The following RIMS1 variants were observed in gnomAD, a reference collection of about 807,000 sequenced individuals.
The protein encoded by RIMS1 is regulating synaptic membrane exocytosis protein 1.
Under a neutral mutation model 214.1 loss-of-function variants are expected in RIMS1, and 83 were observed. The observed-to-expected ratio is 0.39, with a 90% CI of 0.32 to 0.47. The LOEUF (loss-of-function observed/expected upper bound fraction) is 0.47, where lower values mean the gene tolerates loss of function less well. Ranked by LOEUF, RIMS1 falls within the 20% of genes least tolerant of loss-of-function variation. The pLI is 0.99. For synonymous variants in RIMS1, 793 were observed against 786.8 expected, an observed-to-expected ratio of 1.01 and a Z score of -0.13; for missense variants, 2,050 against 2,161.8, an observed-to-expected ratio of 0.95 and a Z score of 1.03.
chr6:72,235,391 C>G (rs556062424), intron 7 of RIMS1, among the ~76,000 whole-genome samples: 12 of 152,174 alleles, frequency 7.9e-5, no homozygotes, highest in African/African-American at 2.9e-4. Flanking sequence ...CTCTATTTTA[C>G]TTTGTACTAC....
chr6:72,069,514 AAT>A (rs1000778774), intron 2 of RIMS1, among the ~76,000 whole-genome samples: 5 of 152,220 alleles, frequency 3.3e-5, no homozygotes, highest in African/African-American at 1.2e-4. Context: ...GTAAATGAAA[AAT>A]ATATGTCTCA....
chr6:72,216,252 G>A (rs1311622527), intron 6 of RIMS1, among the ~76,000 whole-genome samples: 2 of 152,004 alleles, frequency 1.3e-5, no homozygotes, highest in Admixed American at 6.6e-5. Flanking sequence ...ATTATTCTGT[G>A]TCTCAGTGAG....
chr6:71,943,625 G>A (rs1328317166), intron 1 of RIMS1, among the ~76,000 whole-genome samples: 2 of 152,148 alleles, frequency 1.3e-5, no homozygotes, highest in Non-Finnish European at 2.9e-5. Context: ...TGTGAATGCA[G>A]CATAATGCAA....
intron 1 of RIMS1, among the ~76,000 whole-genome samples, chr6:71,956,884 T>A (rs1791464154): frequency 6.6e-6 from 1 of 152,092 alleles, no homozygotes; most frequent in South Asian, 2.1e-4. Flanking sequence ...AATGTGAAAA[T>A]TTCTGAGCCC....
At chr6:72,292,165 A>T (rs2093486792) in intron 26 of RIMS1, 119 bp downstream of exon 26, 1 of 677,346 alleles carries the variant, frequency 1.5e-6, no homozygotes, top group Non-Finnish European at 2.4e-6. Flanking sequence ...CATCCTAAAA[A>T]TTTGATTTTC....
chr6:72,277,739 AATC>A (rs1260579971), intron 23 of RIMS1, among the ~76,000 whole-genome samples: 1 of 152,172 alleles, frequency 6.6e-6, no homozygotes, highest in East Asian at 1.9e-4. Flanking sequence ...ACCCTTAAAA[AATC>A]ATCATTCCAA....
rs2153970204 is a variant in RIMS1, at chr6:72,182,439, G to T, written c.968G>T (p.Arg323Leu). ...GAAAGCCGAAGGCTTGAGAAAGGGC[G>T]ATCACAGGATTACCCAGACACGCCG... ...RRESRRLEKG[R>L]SQDYPDTPEK... The change falls in exon 6 of 34, where the codon CGA becomes CTA. Residue 323 changes from arginine to leucine, a missense_variant. This residue lies in a region of RIMS1 where 882 missense variants were observed against 828.9 expected (regional missense o/e 1.06). Coordinates refer to ENST00000521978, the MANE Select transcript of RIMS1 (RefSeq NM_014989.7). 3 of 1,613,878 alleles carry T rather than the reference G, an allele frequency of 1.9e-6. No individual in the cohort carries two copies. Among genetic ancestry groups the T allele is most frequent in the East Asian group, 2.2e-5 (1 of 44,868 alleles).
intron 28 of RIMS1, among the ~76,000 whole-genome samples, chr6:72,317,762 T>C (rs539339823): frequency 3.2e-4 from 48 of 152,200 alleles, no homozygotes; most frequent in South Asian, 1.2e-3. Context: ...ATGAAGCTTA[T>C]TATCTACACT....
At chr6:72,291,098 T>G (rs2093326002) in intron 25 of RIMS1, among the ~76,000 whole-genome samples, 1 of 152,210 alleles carries the variant, frequency 6.6e-6, no homozygotes, top group Non-Finnish European at 1.5e-5. Context: ...TTTGGCTGTG[T>G]TATGTCCTTT....
intron 26 of RIMS1, among the ~76,000 whole-genome samples, chr6:72,292,533 A>T (rs1022307002): frequency 1.3e-5 from 2 of 152,114 alleles, no homozygotes; most frequent in Non-Finnish European, 2.9e-5. Context: ...TGTCTTCAGC[A>T]GTTCATATTG....
intron 28 of RIMS1, among the ~76,000 whole-genome samples, chr6:72,314,122 G>A (rs992727848): frequency 1.3e-5 from 2 of 152,096 alleles, no homozygotes; most frequent in Admixed American, 1.3e-4. Context: ...CCCTAGTTAC[G>A]TTATGAGTTG....
chr6:71,946,420 G>C (rs1488965093), intron 1 of RIMS1, among the ~76,000 whole-genome samples: 1 of 152,232 alleles, frequency 6.6e-6, no homozygotes, highest in Non-Finnish European at 1.5e-5. Context: ...CATAGTGCTG[G>C]CATAAAAACA....
chr6:72,239,758 C>A (rs1218061348), intron 9 of RIMS1, among the ~76,000 whole-genome samples: 1 of 152,160 alleles, frequency 6.6e-6, no homozygotes, highest in Non-Finnish European at 1.5e-5. Flanking sequence ...TCCTAGTTAT[C>A]ATTTGTTCAA....
Position 72,242,403 on chromosome 6 carries a change from C to G in RIMS1, c.2047C>G (p.Pro683Ala), listed in dbSNP as rs1280376183. The change falls in exon 10 of 34, where the codon CCT (proline) becomes GCT (alanine). Residue 683 changes from proline to alanine, a missense_variant. Transcript: ENST00000521978. The part of the protein sequence containing the change: ...YNIILESKSE[P>A]QVEIIVSRPI... ...CATTATTTTAGAATCAAAATCAGAA[C>G]CTCAAGTTGAAATTATTGTTTCAAG... 6 of 1,560,348 alleles carry G rather than the reference C, an allele frequency of 3.8e-6. No homozygotes were observed. Among genetic ancestry groups the G allele is most frequent in the Non-Finnish European group, 5.2e-6 (6 of 1,150,946 alleles).
At chr6:72,339,808 G>T (rs2096985385) in intron 29 of RIMS1, among the ~76,000 whole-genome samples, 1 of 151,936 alleles carries the variant, frequency 6.6e-6, no homozygotes, top group Non-Finnish European at 1.5e-5. Flanking sequence ...CCAGTAATGG[G>T]ATGGCTGGGT....
chr6:72,399,868 G>A (rs1198967510), intron 33 of RIMS1, among the ~76,000 whole-genome samples: 2 of 152,136 alleles, frequency 1.3e-5, no homozygotes, highest in Non-Finnish European at 2.9e-5. Context: ...GACACTAGTA[G>A]CCAATAGAAG....
At chr6:72,261,565 G>T in intron 19 of RIMS1, 1 of 949,290 alleles carries the variant, frequency 1.1e-6, no homozygotes, top group Non-Finnish European at 1.3e-6. Flanking sequence ...GAATATAGAA[G>T]TTAAGGAAGT....
chr6:72,056,827 A>G (rs1585872974), intron 2 of RIMS1, among the ~76,000 whole-genome samples: 1 of 152,342 alleles, frequency 6.6e-6, no homozygotes, highest in African/African-American at 2.4e-5. Context: ...TAATAAATAG[A>G]TTACCTAAAC....
chr6:72,346,083 G>A (rs529091783), intron 29 of RIMS1, among the ~76,000 whole-genome samples: 3 of 151,740 alleles, frequency 2.0e-5, no homozygotes, highest in South Asian at 2.1e-4. Context: ...CTCCATTTTC[G>A]CAACTATAAT....
Sources: allele counts gnomAD v4.1 joint callset (sites outside exome capture counted in the v4.1 genomes callset), GRCh38; gene constraint gnomAD v4.1.1; regional missense constraint gnomAD v4.1.1; transcripts MANE v1.5; gene names NCBI Gene and HGNC (gene_info 2026-07-23, HGNC 2026-07-21).